TG: variants seen among roughly 807,000 people sequenced by gnomAD.
The protein encoded by TG is thyroid hormones.
TG carries 270 observed loss-of-function variants against 324.7 expected under a neutral mutation model. The ratio of observed to expected loss-of-function variants is 0.83; its 90% CI spans 0.75 to 0.92. TG has a LOEUF of 0.92. Ranked by LOEUF, TG falls within the 40% of genes least tolerant of loss-of-function variation. The pLI, the probability that TG is intolerant of heterozygous loss-of-function variation, is 0.00. For missense variants in TG, 3,591 were observed against 3,456.4 expected (o/e 1.04, Z -0.98); for synonymous variants, 1,401 against 1,327.0 (o/e 1.06, Z -1.21).
chr8:132,937,683 C>T (rs763282795), intron 25 of TG, among the ~76,000 whole-genome samples: 1 of 152,094 alleles, frequency 6.6e-6, no homozygotes, highest in Non-Finnish European at 1.5e-5. Flanking sequence ...GTAACCCCTA[C>T]CCAAAATGTC....
At chr8:132,991,102 T>C (rs1369116458) in intron 35 of TG, among the ~76,000 whole-genome samples, 2 of 151,730 alleles carry the variant, frequency 1.3e-5, no homozygotes, top group Non-Finnish European at 2.9e-5. Context: ...CTCACGCTGG[T>C]CACTCATTAC....
intron 26 of TG, among the ~76,000 whole-genome samples, chr8:132,946,039 CA>C (rs1825224835): frequency 2.2e-3 from 1 of 446 alleles, no homozygotes; most frequent in African/African-American, 0.015. Flanking sequence ...AAATATGTTA[CA>C]CACACACACA....
In TG at chr8:132,983,278, T is replaced by A. The variant is rs1056085873; in HGVS notation, c.6200-72T>A. On this transcript the variant is annotated intron_variant, in intron 34 of 47. Transcript: ENST00000220616. Reference sequence around the variant, plus strand: ...TTTTACAATCACCATCTTATACTTATATTAATGCCTTCTGAACTCGATGAT... The same window carrying A: ...TTTTACAATCACCATCTTATACTTAAATTAATGCCTTCTGAACTCGATGAT... 8 of 1,505,516 alleles carry A rather than the reference T, an allele frequency of 5.3e-6. No homozygotes were observed. The Admixed American group carries it at 1.3e-4, about 25-fold the overall frequency. 93.3% of individuals were successfully genotyped at this position (1,505,516 alleles called of 1,614,324 possible).
intron 23 of TG, 118 bp downstream of exon 23, chr8:132,929,310 C>T: frequency 1.3e-6 from 1 of 782,510 alleles, no homozygotes; most frequent in Non-Finnish European, 2.2e-6. Flanking sequence ...CATACTTTAT[C>T]AAAAACACTA....
At chr8:133,124,723 A>G (rs899321115) in intron 45 of TG, among the ~76,000 whole-genome samples, 1 of 152,192 alleles carries the variant, frequency 6.6e-6, no homozygotes, top group African/African-American at 2.4e-5. Context: ...AACATTCAAA[A>G]TGACTAAAGA....
intron 16 of TG, among the ~76,000 whole-genome samples, chr8:132,901,972 T>A (rs1053963109): frequency 3.9e-5 from 6 of 152,318 alleles, no homozygotes; most frequent in African/African-American, 1.2e-4. Context: ...AAAAATTTAG[T>A]GAATGTCAAA....
chr8:133,063,598 A>G (rs189074077), intron 41 of TG: 62 of 151,954 alleles, frequency 4.1e-4, no homozygotes, highest in African/African-American at 1.4e-3. Context: ...ATGAGATGAG[A>G]AAGTTTGAGT....
intron 45 of TG, among the ~76,000 whole-genome samples, chr8:133,118,627 G>A (rs983695870): frequency 6.6e-6 from 1 of 152,064 alleles, no homozygotes; most frequent in Non-Finnish European, 1.5e-5. Context: ...ACCTGGCCCT[G>A]ACTCTTGCAT....
intron 35 of TG, among the ~76,000 whole-genome samples, chr8:132,991,620 G>T (rs1044711186): frequency 6.6e-6 from 1 of 152,208 alleles, no homozygotes; most frequent in Non-Finnish European, 1.5e-5. Context: ...CCAGGGATAG[G>T]TTTTATATCC....
At chr8:133,032,442 A>G (rs749719551) in intron 41 of TG, among the ~76,000 whole-genome samples, 2 of 152,368 alleles carry the variant, frequency 1.3e-5, no homozygotes, top group South Asian at 4.1e-4. Context: ...CAATGGGCTC[A>G]GAAAGCAGAT....
intron 12 of TG, 113 bp downstream of exon 12, chr8:132,897,899 A>AG: frequency 2.2e-6 from 3 of 1,342,400 alleles, no homozygotes; most frequent in Non-Finnish European, 3.1e-6. Context: ...CCTCTTTAGC[A>AG]GCTGGTGAAA....
chr8:133,075,012 C>T, intron 41 of TG: 1 of 985,488 alleles, frequency 1.0e-6, no homozygotes, highest in African/African-American at 1.7e-5. Context: ...CACAGAAGAA[C>T]TGCAGTTGCT....
At chr8:133,102,710 G>C in intron 43 of TG, 3 of 740,726 alleles carry the variant, frequency 4.1e-6, no homozygotes, top group South Asian at 3.4e-5. Flanking sequence ...TTGACAGTCT[G>C]CCTACATTAT....
rs1317145275 is a variant in TG, at chr8:132,947,943, T to A, written c.5234-833T>A. Among the ~76,000 whole-genome samples the A allele has an allele frequency of 2.6e-5, 4 of 152,226 alleles. No individual in the cohort carries two copies. The East Asian group carries it at 7.7e-4, about 29-fold the overall frequency. ...TTACCTTGGGAGTAGGTCTTTCTGA[T>A]GCTAAACAAAGTCATAATTTTTGGG... On this transcript the variant is annotated intron_variant, in intron 26 of 47. Transcript: ENST00000220616.
At chr8:132,918,086 G>C (rs1820624687) in intron 20 of TG, among the ~76,000 whole-genome samples, 1 of 151,928 alleles carries the variant, frequency 6.6e-6, no homozygotes, top group African/African-American at 2.4e-5. Context: ...AGGCAGCCGT[G>C]GTCTCATTCT....
At chr8:132,870,607 C>T (rs1468324422) in intron 3 of TG, among the ~76,000 whole-genome samples, 9 of 151,720 alleles carry the variant, frequency 5.9e-5, no homozygotes, top group East Asian at 1.9e-4. Flanking sequence ...GAAATGCCTG[C>T]GGCTAGATAA....
intron 45 of TG, among the ~76,000 whole-genome samples, chr8:133,117,807 G>A (rs1850818653): frequency 1.3e-5 from 2 of 152,202 alleles, no homozygotes; most frequent in South Asian, 4.1e-4. Context: ...TCTATTTTAT[G>A]GGCAACAGGG....
At chr8:133,101,427 G>T (rs749227231) in intron 43 of TG, among the ~76,000 whole-genome samples, 2 of 152,158 alleles carry the variant, frequency 1.3e-5, no homozygotes, top group Non-Finnish European at 2.9e-5. Context: ...TGGCACCTGG[G>T]TCCAACCACC....
At chr8:133,055,418 T>C (rs1564126719) in intron 41 of TG, among the ~76,000 whole-genome samples, 1 of 149,220 alleles carries the variant, frequency 6.7e-6, no homozygotes, top group African/African-American at 2.5e-5. Flanking sequence ...GGATTATACA[T>C]GCAACTAACC....
Sources: allele counts gnomAD v4.1 joint callset (sites outside exome capture counted in the v4.1 genomes callset), GRCh38; gene constraint gnomAD v4.1.1; transcripts MANE v1.5; gene names NCBI Gene and HGNC (gene_info 2026-07-23, HGNC 2026-07-21).